Variants in NRG1 observed in about 807,000 individuals in gnomAD.
NRG1 encodes neuregulin 1.
A neutral mutation model predicts 63.8 loss-of-function variants in NRG1; 18 were observed. The observed-to-expected ratio is 0.28, with a 90% confidence interval of 0.19 to 0.42. The LOEUF (loss-of-function observed/expected upper bound fraction) is 0.42, where lower values mean the gene tolerates loss of function less well. Among genes scored for constraint, NRG1 ranks in the 10% least tolerant of loss-of-function variants. The pLI is 1.00. For synonymous variants in NRG1, 302 were observed against 301.3 expected, an observed-to-expected ratio of 1.00 and a Z score of -0.02; for missense variants, 762 against 814.7, an observed-to-expected ratio of 0.94 and a Z score of 0.79.
At position 32,424,429 on chromosome 8, in the gene NRG1, G is replaced by A. The variant is rs189397732; in HGVS notation, c.38-171399G>A. Among the ~76,000 whole-genome samples, 29 of 152,128 alleles carry A rather than the reference G, an allele frequency of 1.9e-4. No individual in the cohort carries two copies. The East Asian group carries it at 4.1e-3, about 21-fold the overall frequency. ...TGGGGTTCAATGAGATCAAAAGCAC[G>A]GATACCAATTTTGGGATCAGGAATC... On this transcript the variant is annotated intron_variant, in intron 1 of 10. Coordinates refer to the NRG1 transcript ENST00000519301.
chr8:32,694,402 T>C (rs2128944389), intron 5 of NRG1, among the ~76,000 whole-genome samples: 1 of 152,274 alleles, frequency 6.6e-6, no homozygotes, highest in South Asian at 2.1e-4. Context: ...ATTTCAGAGA[T>C]TGTGTTATTA....
chr8:32,353,143 G>A (rs577682941), intron 1 of NRG1, among the ~76,000 whole-genome samples: 3 of 150,348 alleles, frequency 2.0e-5, no homozygotes, highest in African/African-American at 4.9e-5. Flanking sequence ...AATTGCACTG[G>A]TATCTGAAAA....
chr8:32,231,251 C>A (rs889260697), intron 1 of NRG1, among the ~76,000 whole-genome samples: 2 of 151,976 alleles, frequency 1.3e-5, no homozygotes, highest in Non-Finnish European at 1.5e-5. Flanking sequence ...GAGAAAATAG[C>A]CTATTTTTAG....
intron 1 of NRG1, among the ~76,000 whole-genome samples, chr8:31,754,859 G>A (rs1011898262): frequency 2.0e-5 from 3 of 152,050 alleles, no homozygotes; most frequent in African/African-American, 7.2e-5. Context: ...TCCTAGTAAT[G>A]ATTCTAATTA....
intron 1 of NRG1, among the ~76,000 whole-genome samples, chr8:32,156,986 C>T (rs532392419): frequency 1.6e-4 from 25 of 151,938 alleles, no homozygotes; most frequent in African/African-American, 4.6e-4. Context: ...TAAAGATCAA[C>T]GCTAACATTG....
chr8:32,543,480 A>T (rs1393178870), upstream of NRG1, among the ~76,000 whole-genome samples: 1 of 152,090 alleles, frequency 6.6e-6, no homozygotes, highest in East Asian at 1.9e-4. Flanking sequence ...AATGTTTTCA[A>T]AAATGATTGT....
At chr8:32,527,645 C>T (rs1197294415) in intron 1 of NRG1, among the ~76,000 whole-genome samples, 1 of 152,082 alleles carries the variant, frequency 6.6e-6, no homozygotes, top group Non-Finnish European at 1.5e-5. Flanking sequence ...TAAATCTATA[C>T]AAATAAAAGC....
intron 1 of NRG1, among the ~76,000 whole-genome samples, chr8:31,756,352 T>G (rs1015646712): frequency 1.3e-5 from 2 of 152,102 alleles, no homozygotes; most frequent in Admixed American, 6.6e-5. Context: ...AGCAGGTCTG[T>G]TAAGGGCAAA....
At chr8:32,424,509 T>C (rs954521260) in intron 1 of NRG1, among the ~76,000 whole-genome samples, 9 of 152,112 alleles carry the variant, frequency 5.9e-5, no homozygotes, top group Non-Finnish European at 8.8e-5. Context: ...TGATACAAAG[T>C]TCATATTCAA....
At chr8:31,955,876 C>CA (rs1007732084) in intron 1 of NRG1, among the ~76,000 whole-genome samples, 13 of 150,158 alleles carry the variant, frequency 8.7e-5, no homozygotes, top group African/African-American at 2.0e-4. Context: ...GTCCCTACTT[C>CA]AAAAAAAAGA....
chr8:31,796,684 G>T (rs192635920), intron 1 of NRG1, among the ~76,000 whole-genome samples: 2 of 152,126 alleles, frequency 1.3e-5, no homozygotes, highest in Middle Eastern at 3.4e-3. Flanking sequence ...TGATCTGCCT[G>T]CCTCAGCCTC....
intron 1 of NRG1, among the ~76,000 whole-genome samples, chr8:32,248,584 A>G (rs528247247): frequency 1.3e-5 from 2 of 152,212 alleles, no homozygotes; most frequent in East Asian, 3.9e-4. Flanking sequence ...TTTAGCTTCA[A>G]TCCAAGGTTT....
At chr8:32,649,340 C>G (rs13263208) in intron 5 of NRG1, among the ~76,000 whole-genome samples, 61,992 of 151,850 alleles carry the variant, frequency 0.41, 14,465 homozygotes, top group Non-Finnish European at 0.54. Flanking sequence ...CATGACTGTT[C>G]TAAATATCAA....
intron 1 of NRG1, among the ~76,000 whole-genome samples, chr8:32,282,994 T>C (rs951644946): frequency 1.3e-5 from 2 of 152,220 alleles, no homozygotes; most frequent in South Asian, 4.1e-4. Context: ...ATCAAAGACA[T>C]ATAATACCAA....
intron 1 of NRG1, among the ~76,000 whole-genome samples, chr8:32,271,911 A>G (rs1376819896): frequency 6.6e-6 from 1 of 152,138 alleles, no homozygotes; most frequent in Non-Finnish European, 1.5e-5. Context: ...TAGAAAACCA[A>G]TGGGGCTCAG....
intron 1 of NRG1, among the ~76,000 whole-genome samples, chr8:31,661,166 A>T (rs2130937532): frequency 6.6e-6 from 1 of 152,274 alleles, no homozygotes; most frequent in South Asian, 2.1e-4. Flanking sequence ...ATCTAAATGG[A>T]ATAAACTCAT....
intron 1 of NRG1, among the ~76,000 whole-genome samples, chr8:32,564,190 A>T (rs1837004538): frequency 6.6e-6 from 1 of 152,246 alleles, no homozygotes; most frequent in African/African-American, 2.4e-5. Context: ...ATAAAGTATA[A>T]ATCAAAGATC....
chr8:31,659,974 A>T (rs186215012), intron 1 of NRG1, among the ~76,000 whole-genome samples: 1 of 152,166 alleles, frequency 6.6e-6, no homozygotes, highest in Non-Finnish European at 1.5e-5. Flanking sequence ...TGGCATCATT[A>T]TACTCATTTT....
At chr8:31,719,595 A>T (rs1336056155) in intron 1 of NRG1, among the ~76,000 whole-genome samples, 1 of 152,178 alleles carries the variant, frequency 6.6e-6, no homozygotes, top group Non-Finnish European at 1.5e-5. Context: ...AAAGCATCAA[A>T]TCGCTGCGGT....
Sources: gnomAD v4.1 joint callset for allele counts (sites outside exome capture counted in the v4.1 genomes callset) on GRCh38, gnomAD v4.1.1 for gene constraint, MANE v1.5 for transcripts, NCBI Gene and HGNC (gene_info 2026-07-23, HGNC 2026-07-21) for gene names.